Variants in CAMTA1 observed in about 807,000 individuals in gnomAD.
The protein encoded by CAMTA1 is calmodulin-binding transcription activator 1.
In CAMTA1, 27 loss-of-function variants were observed where a neutral mutation model predicts 170.9. The observed-to-expected ratio is 0.16, with a 90% CI of 0.12 to 0.22. The LOEUF (loss-of-function observed/expected upper bound fraction) is 0.22, where lower values mean the gene tolerates loss of function less well. Ranked by LOEUF, CAMTA1 falls within the 10% of genes least tolerant of loss-of-function variation. CAMTA1 has a pLI of 1.00. For missense variants in CAMTA1, 1,619 were observed against 2,217.2 expected (o/e 0.73, Z 5.42); for synonymous variants, 833 against 891.5 (o/e 0.93, Z 1.17).
chr1:6,930,867 G>A (rs1225808641), intron 3 of CAMTA1, among the ~76,000 whole-genome samples: 10 of 152,260 alleles, frequency 6.6e-5, no homozygotes, highest in Non-Finnish European at 1.5e-4. Context: ...GCGTGGGAAG[G>A]AGCATCTGTT....
intron 5 of CAMTA1, among the ~76,000 whole-genome samples, chr1:7,272,712 A>AAAAAAAAAAAAAG (rs1670017608): frequency 6.8e-4 from 75 of 109,898 alleles, no homozygotes; most frequent in Non-Finnish European, 1.1e-3. Context: ...AAAAAAAAAA[A>AAAAAAAAAAAAAG]AAAAGAAAAG....
At chr1:7,498,133 A>G (rs1725265) in intron 6 of CAMTA1, among the ~76,000 whole-genome samples, 81,591 of 151,798 alleles carry the variant, frequency 0.54, 22,433 homozygotes, top group African/African-American at 0.64. Context: ...GCTCACTAGT[A>G]TGAGCAACAG....
intron 4 of CAMTA1, among the ~76,000 whole-genome samples, chr1:7,174,385 T>C (rs553194459): frequency 6.6e-6 from 1 of 152,306 alleles, no homozygotes; most frequent in Admixed American, 6.5e-5. Flanking sequence ...CACAATGGAA[T>C]TGTAATCAAA....
At chr1:6,978,644 A>G (rs751900379) in intron 3 of CAMTA1, among the ~76,000 whole-genome samples, 3 of 150,532 alleles carry the variant, frequency 2.0e-5, no homozygotes, top group South Asian at 2.1e-4. Flanking sequence ...AAAAAAATAC[A>G]TATATATAGT....
intron 11 of CAMTA1, among the ~76,000 whole-genome samples, chr1:7,704,601 C>T (rs577226044): frequency 3.4e-5 from 5 of 148,972 alleles, no homozygotes; most frequent in African/African-American, 1.2e-4. Context: ...CCAGCCTCTG[C>T]CCGGCTCCGG....
chr1:7,454,485 G>T (rs895398005), intron 5 of CAMTA1, among the ~76,000 whole-genome samples: 1 of 152,272 alleles, frequency 6.6e-6, no homozygotes, highest in African/African-American at 2.4e-5. Flanking sequence ...ATTCAGTGTC[G>T]CGGCCACTGG....
chr1:7,489,652 G>A (rs879878560), intron 6 of CAMTA1, among the ~76,000 whole-genome samples: 19 of 152,156 alleles, frequency 1.2e-4, no homozygotes, highest in South Asian at 4.1e-4. Context: ...AAAGCATTGC[G>A]CAGAATTTAT....
At chr1:7,593,440 G>A (rs201859138) in intron 6 of CAMTA1, among the ~76,000 whole-genome samples, 4 of 151,522 alleles carry the variant, frequency 2.6e-5, no homozygotes, top group Admixed American at 1.3e-4. Flanking sequence ...ATCAAGGGTC[G>A]AGGAAGGACT....
At chr1:6,911,346 TC>T (rs1679639171) in intron 3 of CAMTA1, among the ~76,000 whole-genome samples, 1 of 152,148 alleles carries the variant, frequency 6.6e-6, no homozygotes, top group African/African-American at 2.4e-5. Flanking sequence ...TCCTTCGACC[TC>T]CCTGTGACCT....
chr1:7,122,335 C>T (rs1422189503), intron 4 of CAMTA1, among the ~76,000 whole-genome samples: 1 of 152,080 alleles, frequency 6.6e-6, no homozygotes, highest in African/African-American at 2.4e-5. Flanking sequence ...GAGAAGCCAC[C>T]CCCACCCCTA....
chr1:7,629,637 CT>C (rs2095655699), intron 6 of CAMTA1, among the ~76,000 whole-genome samples: 2 of 152,324 alleles, frequency 1.3e-5, no homozygotes, highest in Admixed American at 6.5e-5. Context: ...CCACTGTTAT[CT>C]TTCTGGACCG....
At chr1:7,492,128 A>G (rs927446605) in intron 6 of CAMTA1, among the ~76,000 whole-genome samples, 1 of 152,154 alleles carries the variant, frequency 6.6e-6, no homozygotes, top group Non-Finnish European at 1.5e-5. Flanking sequence ...CAAGAGCATG[A>G]TGGTCACCCC....
At chr1:7,132,244 T>C (rs1001822992) in intron 4 of CAMTA1, among the ~76,000 whole-genome samples, 5 of 152,228 alleles carry the variant, frequency 3.3e-5, no homozygotes, top group African/African-American at 9.6e-5. Context: ...TTGGGGAGAA[T>C]TGACATCTTA....
chr1:7,447,177 G>C (rs1410093500), intron 5 of CAMTA1, among the ~76,000 whole-genome samples: 1 of 152,116 alleles, frequency 6.6e-6, no homozygotes, highest in Non-Finnish European at 1.5e-5. Context: ...ACTGCCCCTG[G>C]CTGAGAACAT....
chr1:6,956,892 C>A (rs542867702), intron 3 of CAMTA1, among the ~76,000 whole-genome samples: 1 of 152,332 alleles, frequency 6.6e-6, no homozygotes, highest in South Asian at 2.1e-4. Flanking sequence ...CCCGAGGAGG[C>A]ATGGCCAGCA....
chr1:7,134,573 G>T (rs985095473), intron 4 of CAMTA1, among the ~76,000 whole-genome samples: 1 of 152,176 alleles, frequency 6.6e-6, no homozygotes, highest in Non-Finnish European at 1.5e-5. Flanking sequence ...CTTCCAAAGT[G>T]TTGGGATTAT....
At chr1:7,722,473 C>CAGTT (rs34351762) in intron 11 of CAMTA1, among the ~76,000 whole-genome samples, 75,849 of 151,412 alleles carry the variant, frequency 0.5, 18,987 homozygotes, top group Middle Eastern at 0.61. Context: ...ACCCTTGGGC[C>CAGTT]ATTGTTTGGA....
intron 5 of CAMTA1, among the ~76,000 whole-genome samples, chr1:7,339,797 A>T (rs779878372): frequency 6.6e-6 from 1 of 152,016 alleles, no homozygotes; most frequent in Non-Finnish European, 1.5e-5. Context: ...GGGTTTTGTT[A>T]TGTTGGCCAG....
rs1332478082 is a variant in CAMTA1 at position 7,762,121 on chromosome 1, C to T, written c.4990-4338C>T. ...GAGCTATGACTGTTCCACTGCACTC[C>T]AGTCTGGTCAACCCTCTCTCTAAAT... On this transcript the variant is annotated intron_variant, in intron 22 of 22. Transcript: ENST00000303635. Among the ~76,000 whole-genome samples the T allele has an allele frequency of 4.6e-5, 7 of 152,274 alleles. No homozygotes were observed. The East Asian group carries it at 1.4e-3, about 29-fold the overall frequency.
Sources: allele counts gnomAD v4.1 joint callset (sites outside exome capture counted in the v4.1 genomes callset), GRCh38; gene constraint gnomAD v4.1.1; transcripts MANE v1.5; gene names NCBI Gene and HGNC (gene_info 2026-07-23, HGNC 2026-07-21).